The following FMNL2 variants were observed in gnomAD, a reference collection of about 807,000 sequenced individuals.
The protein encoded by FMNL2 is formin-like protein 2.
A neutral mutation model predicts 130.2 loss-of-function variants in FMNL2; 51 were observed. The ratio of observed to expected loss-of-function variants is 0.39; its 90% confidence interval spans 0.31 to 0.49. The LOEUF is 0.49. Among genes scored for constraint, FMNL2 ranks in the 20% least tolerant of loss-of-function variants. The probability of loss-of-function intolerance (pLI) is 0.85; values close to 1 mark genes in which losing one functional copy is unlikely to be tolerated. For missense variants in FMNL2, 977 were observed against 1,316.2 expected (o/e 0.74, Z 3.99); for synonymous variants, 465 against 467.1 (o/e 1.00, Z 0.06).
At chr2:152,581,632 G>A (rs781518052) in intron 9 of FMNL2, among the ~76,000 whole-genome samples, 3 of 151,936 alleles carry the variant, frequency 2.0e-5, no homozygotes, top group East Asian at 3.9e-4. Flanking sequence ...CATCACCGCC[G>A]CGGGCCCTGC....
chr2:152,335,590 G>A lies in FMNL2; in HGVS notation c.-14G>A, dbSNP rs772110738. The stretch of plus-strand genomic sequence containing the variant: ...GGGGCCCGGAGCAGCCCCCGGCCCC[G>A]GCGCGCCGCCGACATGGGCAACGCA... On this transcript the variant is annotated 5_prime_UTR_variant, in exon 1 of 26. Coordinates refer to ENST00000288670, the MANE Select transcript of FMNL2 (RefSeq NM_052905.4). The A allele has an allele frequency of 1.3e-6, 2 of 1,579,550 alleles. No homozygotes were observed. Among genetic ancestry groups the A allele is most frequent in the Non-Finnish European group, 8.6e-7 (1 of 1,162,496 alleles).
At chr2:152,609,181 C>T (rs1037398252) in intron 10 of FMNL2, among the ~76,000 whole-genome samples, 18 of 152,194 alleles carry the variant, frequency 1.2e-4, no homozygotes, top group African/African-American at 4.3e-4. Context: ...TCTGTCAGTT[C>T]GTTTATTCAC....
At chr2:152,378,228 A>G (rs1684278339) in intron 1 of FMNL2, among the ~76,000 whole-genome samples, 2 of 152,168 alleles carry the variant, frequency 1.3e-5, no homozygotes, top group Non-Finnish European at 2.9e-5. Flanking sequence ...CTTTGAGGTG[A>G]AAGTTTATAT....
chr2:152,547,028 C>T (rs933121384), intron 3 of FMNL2, among the ~76,000 whole-genome samples: 14 of 151,800 alleles, frequency 9.2e-5, no homozygotes, highest in East Asian at 3.9e-4. Flanking sequence ...TTGCTGCAAC[C>T]GCTGCCTCCC....
chr2:152,498,121 A>G (rs760203107), intron 1 of FMNL2, among the ~76,000 whole-genome samples: 1 of 152,116 alleles, frequency 6.6e-6, no homozygotes, highest in Non-Finnish European at 1.5e-5. Flanking sequence ...TAACCTAATC[A>G]TGGGAGTGAA....
chr2:152,421,277 C>G (rs1284033746), intron 1 of FMNL2, among the ~76,000 whole-genome samples: 1 of 152,134 alleles, frequency 6.6e-6, no homozygotes, highest in Non-Finnish European at 1.5e-5. Context: ...TATCCCAAAG[C>G]CGGTAATGTG....
chr2:152,457,468 C>T (rs1271181364), intron 1 of FMNL2, among the ~76,000 whole-genome samples: 1 of 152,180 alleles, frequency 6.6e-6, no homozygotes, highest in Non-Finnish European at 1.5e-5. Context: ...CTAACTATCC[C>T]TTCTTCACAC....
chr2:152,538,035 C>T (rs1558946620), intron 2 of FMNL2, among the ~76,000 whole-genome samples: 1 of 152,176 alleles, frequency 6.6e-6, no homozygotes, highest in Non-Finnish European at 1.5e-5. Flanking sequence ...ATGTGATAAA[C>T]TGTGAAGTAT....
intron 1 of FMNL2, chr2:152,389,954 C>T: frequency 7.8e-7 from 1 of 1,278,266 alleles, no homozygotes; most frequent in South Asian, 1.2e-5. Context: ...AAGTCAGAGA[C>T]CTCGGGGCCC....
At chr2:152,561,824 C>T (rs565861406) in intron 6 of FMNL2, among the ~76,000 whole-genome samples, 1 of 152,224 alleles carries the variant, frequency 6.6e-6, no homozygotes, top group South Asian at 2.1e-4. Flanking sequence ...GTGATCTGCC[C>T]ACCTTGGCCT....
intron 1 of FMNL2, among the ~76,000 whole-genome samples, chr2:152,487,529 C>T (rs919398853): frequency 6.6e-6 from 1 of 152,090 alleles, no homozygotes; most frequent in African/African-American, 2.4e-5. Flanking sequence ...AGGAAGTAAG[C>T]TAAGAATAAT....
intron 9 of FMNL2, among the ~76,000 whole-genome samples, chr2:152,599,220 G>T (rs114026460): frequency 1.3e-5 from 2 of 152,094 alleles, no homozygotes; most frequent in African/African-American, 2.4e-5. Flanking sequence ...TCAAGTTGAC[G>T]CATAAAGTTA....
chr2:152,619,694 G>C lies in FMNL2; in HGVS notation c.1813G>C (p.Val605Leu), dbSNP rs1315957994. Residue 605 changes from valine (V) to leucine (L), a missense_variant, in exon 15 of 26, where the codon GTG becomes CTG. Val to Leu is a conservative substitution (Grantham distance 32). This residue lies in a region of FMNL2 where 689 missense variants were observed against 995.9 expected (regional missense o/e 0.69). Transcript: ENST00000288670. ...GCTGCCTGGAACATCTTCACCCACA[G>C]TGGTTTTCAACTCAGGATTAGCAGG... is the stretch of plus-strand genomic sequence containing the variant. ...PPLPGTSSPT[V>L]VFNSGLAAVK... 4.3e-6 allele frequency: 7 copies of C among 1,611,980 alleles called. No individual in the cohort carries two copies. In the South Asian group the frequency reaches 7.8e-5, roughly 18 times the overall value.
At chr2:152,620,223 C>CATCA (rs1699182882) in intron 15 of FMNL2, among the ~76,000 whole-genome samples, 1 of 151,996 alleles carries the variant, frequency 6.6e-6, no homozygotes, top group South Asian at 2.1e-4. Context: ...CATTCGAGAA[C>CATCA]ATCAGAATTT....
chr2:152,542,697 G>A, intron 2 of FMNL2, 42 bp from the exon 3 acceptor site: 1 of 1,599,770 alleles, frequency 6.3e-7, no homozygotes, highest in African/African-American at 1.3e-5. Flanking sequence ...CTGTGTCATG[G>A]CTTCATACCT....
chr2:152,512,499 C>T lies in FMNL2; in HGVS notation c.118-9444C>T, dbSNP rs2105365134. Reference sequence around the variant, plus strand: ...TAGCTGCACCCTTTTGTCCTGTGGACAAGATTGGCTCTCCCACCTAGCTTG... The same window carrying T: ...TAGCTGCACCCTTTTGTCCTGTGGATAAGATTGGCTCTCCCACCTAGCTTG... On this transcript the variant is annotated intron_variant, in intron 1 of 25. Transcript: ENST00000288670. 1.3e-5 allele frequency among the ~76,000 whole-genome samples: 2 copies of T among 152,274 alleles called. 1 individual carries two copies. Among genetic ancestry groups the T allele is most frequent in the South Asian group, 4.1e-4 (2 of 4,822 alleles).
At chr2:152,393,016 A>G (rs900170415) in intron 1 of FMNL2, among the ~76,000 whole-genome samples, 1 of 152,020 alleles carries the variant, frequency 6.6e-6, no homozygotes, top group African/African-American at 2.4e-5. Flanking sequence ...GGCCTCCAGC[A>G]GGTTACTTTC....
At position 152,437,803 on chromosome 2, in the gene FMNL2, T is replaced by C. The variant is rs189828607; in HGVS notation, c.118-84140T>C. Among the ~76,000 whole-genome samples the C allele has an allele frequency of 5.9e-5, 9 of 152,320 alleles. No individual in the cohort carries two copies. The East Asian group carries it at 1.7e-3, about 29-fold the overall frequency. On this transcript the variant is annotated intron_variant, in intron 1 of 25. Coordinates refer to ENST00000288670, the MANE Select transcript of FMNL2 (RefSeq NM_052905.4). ...TCTTCAAGCACATCTTGAAGAGTTA[T>C]ATAGTTGGTCTTTGAATATCACTGC...
chr2:152,629,950 G>T (rs1449034846), intron 20 of FMNL2, 45 bp downstream of exon 20: 2 of 1,533,436 alleles, frequency 1.3e-6, no homozygotes, highest in Admixed American at 1.9e-5. Context: ...AAGGACAGAT[G>T]GCTGGCAGAG....
Sources: allele counts gnomAD v4.1 joint callset (sites outside exome capture counted in the v4.1 genomes callset), GRCh38; gene constraint gnomAD v4.1.1; regional missense constraint gnomAD v4.1.1; transcripts MANE v1.5; gene names NCBI Gene and HGNC (gene_info 2026-07-23, HGNC 2026-07-21).